Variants in WWOX observed in about 807,000 individuals in gnomAD.
The protein encoded by WWOX is WW domain-containing oxidoreductase.
Under a neutral mutation model 46.2 loss-of-function variants are expected in WWOX, and 69 were observed. That is an observed-to-expected ratio of 1.49 (90% CI 1.23 to 1.82). The LOEUF (loss-of-function observed/expected upper bound fraction) is 1.82. WWOX is among the 40% of genes most tolerant of loss of function. The pLI is 0.00. For missense variants in WWOX, 919 were observed against 542.6 expected (o/e 1.69, Z -6.89); for synonymous variants, 359 against 202.6 (o/e 1.77, Z -6.56).
chr16:79,152,063 A>G (rs560099648), intron 8 of WWOX, among the ~76,000 whole-genome samples: 12 of 152,280 alleles, frequency 7.9e-5, no homozygotes, highest in African/African-American at 2.4e-4. Flanking sequence ...ATCTTACCAT[A>G]TCCCTTGTTA....
At chr16:78,882,693 T>C (rs2151217085) in intron 8 of WWOX, among the ~76,000 whole-genome samples, 1 of 152,178 alleles carries the variant, frequency 6.6e-6, no homozygotes, top group African/African-American at 2.4e-5. Flanking sequence ...TTCACCTTGC[T>C]GGCCAGGCTG....
chr16:78,295,973 G>T (rs1316795603), intron 5 of WWOX, among the ~76,000 whole-genome samples: 1 of 152,230 alleles, frequency 6.6e-6, no homozygotes. Context: ...GACTCATGGG[G>T]TAGGATTCCT....
At chr16:78,483,956 G>C (rs113612956) in intron 8 of WWOX, among the ~76,000 whole-genome samples, 1 of 152,288 alleles carries the variant, frequency 6.6e-6, no homozygotes, top group East Asian at 1.9e-4. Context: ...TAGTGTGTCT[G>C]TTGAAAGATG....
At chr16:78,616,846 C>T (rs1271123396) in intron 8 of WWOX, among the ~76,000 whole-genome samples, 2 of 152,132 alleles carry the variant, frequency 1.3e-5, no homozygotes, top group Non-Finnish European at 2.9e-5. Flanking sequence ...AATTACCTCC[C>T]AAAGTCCGCA....
intron 8 of WWOX, among the ~76,000 whole-genome samples, chr16:79,035,861 A>G: frequency 6.6e-6 from 1 of 152,274 alleles, no homozygotes; most frequent in Non-Finnish European, 1.5e-5. Context: ...TCCCAAAGTG[A>G]TGGGATTACA....
chr16:78,738,582 A>C (rs9931970), intron 8 of WWOX, among the ~76,000 whole-genome samples: 6,818 of 152,220 alleles, frequency 0.045, 398 homozygotes, highest in Admixed American at 0.14. Flanking sequence ...TGTTCAAAAC[A>C]ACTGCTGGAT....
At chr16:78,858,279 G>A (rs2052615611) in intron 8 of WWOX, among the ~76,000 whole-genome samples, 1 of 148,804 alleles carries the variant, frequency 6.7e-6, no homozygotes, top group East Asian at 2.0e-4. Flanking sequence ...AGATTTCAGT[G>A]TACCCATCTG....
At chr16:78,264,127 G>T (rs994813249) in intron 5 of WWOX, among the ~76,000 whole-genome samples, 1 of 149,650 alleles carries the variant, frequency 6.7e-6, no homozygotes, top group African/African-American at 2.5e-5. Context: ...TTGAGTCTTG[G>T]TCATTACGAA....
At chr16:79,170,482 G>A (rs898857640) in intron 8 of WWOX, among the ~76,000 whole-genome samples, 17 of 152,124 alleles carry the variant, frequency 1.1e-4, no homozygotes, top group African/African-American at 4.1e-4. Flanking sequence ...ATTAAAAATG[G>A]TACCACTCTC....
At chr16:78,571,467 G>A (rs952207384) in intron 8 of WWOX, among the ~76,000 whole-genome samples, 2 of 152,162 alleles carry the variant, frequency 1.3e-5, no homozygotes, top group Non-Finnish European at 2.9e-5. Context: ...CATAGGTCTT[G>A]TTTTGCCAAC....
At position 79,150,123 on chromosome 16, in the gene WWOX, T is replaced by C. The variant is rs2050250605; in HGVS notation, c.1057-61485T>C. ...GTGATTCACTGGCAATGGCTCTGGT[T>C]CACCAAGCTTAGCTCTGCTCAGTCT... On this transcript the variant is annotated intron_variant, in intron 8 of 8. Coordinates refer to ENST00000566780, the MANE Select transcript of WWOX (RefSeq NM_016373.4). Among the ~76,000 whole-genome samples, 2 of 152,236 alleles carry C rather than the reference T, an allele frequency of 1.3e-5. 1 individual carries two copies. The highest frequency in any genetic ancestry group is 4.1e-4 in the South Asian group (2 of 4,834).
intron 8 of WWOX, among the ~76,000 whole-genome samples, chr16:78,458,275 T>A (rs1214982455): frequency 7.0e-6 from 1 of 142,598 alleles, no homozygotes; most frequent in African/African-American, 2.6e-5. Flanking sequence ...TTTTTTTTTT[T>A]TTTGATACAG....
chr16:78,781,588 A>AC (rs2050326237), intron 8 of WWOX, among the ~76,000 whole-genome samples: 1 of 151,730 alleles, frequency 6.6e-6, no homozygotes, highest in Non-Finnish European at 1.5e-5. Context: ...TCTATCCCCC[A>AC]CCCCCACTTT....
intron 8 of WWOX, among the ~76,000 whole-genome samples, chr16:78,447,025 G>A (rs189171399): frequency 2.8e-4 from 42 of 152,206 alleles, no homozygotes; most frequent in Admixed American, 2.6e-3. Flanking sequence ...AGGTCATGAT[G>A]GCAGGATGTC....
chr16:78,556,413 G>A (rs1426668331), intron 8 of WWOX, among the ~76,000 whole-genome samples: 1 of 152,170 alleles, frequency 6.6e-6, no homozygotes, highest in Non-Finnish European at 1.5e-5. Context: ...AGTTCTTCTG[G>A]TCTCAGAGCA....
chr16:78,702,045 A>AT (rs1491253055), intron 8 of WWOX, among the ~76,000 whole-genome samples: 40 of 121,892 alleles, frequency 3.3e-4, no homozygotes, highest in African/African-American at 6.7e-4. Context: ...ATATATATAT[A>AT]AAATAATGCA....
At chr16:79,165,612 G>A (rs750637467) in intron 8 of WWOX, among the ~76,000 whole-genome samples, 12 of 152,264 alleles carry the variant, frequency 7.9e-5, no homozygotes, top group South Asian at 2.1e-4. Flanking sequence ...CAGTGAAAGC[G>A]TGCTTCTCAG....
chr16:78,441,100 G>T (rs1011630400), intron 8 of WWOX, among the ~76,000 whole-genome samples: 2 of 151,882 alleles, frequency 1.3e-5, no homozygotes, highest in South Asian at 2.1e-4. Flanking sequence ...GCACCACCAC[G>T]CACGGCTGAT....
intron 5 of WWOX, among the ~76,000 whole-genome samples, chr16:78,317,604 C>T (rs2080381463): frequency 6.6e-6 from 1 of 152,082 alleles, no homozygotes; most frequent in South Asian, 2.1e-4. Flanking sequence ...TGTGTGTGTG[C>T]ACACACTTGC....
Sources: gnomAD v4.1 joint callset for allele counts (sites outside exome capture counted in the v4.1 genomes callset) on GRCh38, gnomAD v4.1.1 for gene constraint, MANE v1.5 for transcripts, NCBI Gene and HGNC (gene_info 2026-07-23, HGNC 2026-07-21) for gene names.